NUMBL: variants seen among roughly 807,000 people sequenced by gnomAD.
NUMBL encodes the protein numb-like protein.
In NUMBL, 20 loss-of-function variants were observed where a neutral mutation model predicts 48.9. The observed-to-expected ratio is 0.41, with a 90% CI of 0.29 to 0.59. The LOEUF is 0.59. Ranked by LOEUF, NUMBL falls within the 20% of genes least tolerant of loss-of-function variation. The pLI, the probability that NUMBL is intolerant of heterozygous loss-of-function variation, is 0.31. For synonymous variants in NUMBL, 340 were observed against 348.7 expected (o/e 0.98, Z 0.28); for missense variants, 660 against 846.2 (o/e 0.78, Z 2.73).
Position 40,683,026 on chromosome 19 carries a change from C to T in NUMBL, c.250-58G>A, listed in dbSNP as rs898045124. 10 of 1,457,786 alleles carry T rather than the reference C, an allele frequency of 6.9e-6. No individual in the cohort carries two copies. In the African/African-American group the frequency reaches 1.3e-4, roughly 18 times the overall value. 90.3% of individuals were successfully genotyped at this position (1,457,786 alleles called of 1,614,324 possible). ...AAACAGCACAGTAATCACTCATTCTCAGTGTCCACTGAGCATCTGCCATGC... is the reference window on the plus strand; with the variant it reads ...AAACAGCACAGTAATCACTCATTCTTAGTGTCCACTGAGCATCTGCCATGC... On this transcript the variant is annotated intron_variant, in intron 3 of 9. Coordinates refer to ENST00000252891, the MANE Select transcript of NUMBL (RefSeq NM_004756.5).
Position 40,667,212 on chromosome 19 carries a change from A to C in NUMBL, c.*256T>G. On this transcript the variant is annotated 3_prime_UTR_variant, in exon 10 of 10. Coordinates refer to ENST00000252891, the MANE Select transcript of NUMBL (RefSeq NM_004756.5). The surrounding 1 kb of genome is among the most constrained non-coding windows in gnomAD (Gnocchi z 6.1). ...CAACCCCTGTGTCTGGGGTTGGGGAAGGGGGCATTGCCAGCCTAAGTCCGG... is the reference window on the plus strand; with the variant it reads ...CAACCCCTGTGTCTGGGGTTGGGGACGGGGGCATTGCCAGCCTAAGTCCGG... The C allele has an allele frequency of 1.4e-5, 7 of 489,496 alleles. No homozygotes were observed. The highest frequency in any genetic ancestry group is 7.9e-5 in the East Asian group (2 of 25,422). 30.3% of individuals were successfully genotyped at this position (489,496 alleles called of 1,614,324 possible).
rs1255040262 is a variant in NUMBL, at chr19:40,687,666, T to C, written c.25-671A>G. Among the ~76,000 whole-genome samples the C allele has an allele frequency of 6.6e-6, 1 of 152,140 alleles. No homozygotes were observed. The highest frequency in any genetic ancestry group is 1.5e-5 in the Non-Finnish European group (1 of 68,022). ...GGCCACACCCAGTGACAGCTATGTT[T>C]CCTCAGGCACCCGCCCAAGATACTG... On this transcript the variant is annotated intron_variant, in intron 1 of 9. Transcript: ENST00000252891. The surrounding 1 kb of genome is among the most constrained non-coding windows in gnomAD (Gnocchi z 4.6).
intron 2 of NUMBL, 123 bp downstream of exon 2, chr19:40,686,788 G>T: frequency 3.0e-6 from 2 of 671,574 alleles, no homozygotes. Context: ...TGAGGAAGAT[G>T]CCTGAGGGTG....
intron 6 of NUMBL, among the ~76,000 whole-genome samples, chr19:40,678,185 A>T (rs2081887880): frequency 6.6e-6 from 1 of 151,908 alleles, no homozygotes; most frequent in Non-Finnish European, 1.5e-5. Flanking sequence ...TTTTTCTGGG[A>T]CAGGGTCTTA....
chr19:40,674,930 G>A (rs1450909427), intron 7 of NUMBL, among the ~76,000 whole-genome samples: 1 of 152,068 alleles, frequency 6.6e-6, no homozygotes, highest in African/African-American at 2.4e-5. Flanking sequence ...GTTGAAGCCA[G>A]GAGTTCAAGA....
intron 7 of NUMBL, among the ~76,000 whole-genome samples, chr19:40,674,996 A>G (rs2081867091): frequency 6.6e-6 from 1 of 151,986 alleles, no homozygotes; most frequent in African/African-American, 2.4e-5. Context: ...AAAAAAGATT[A>G]GCTGGGTGTG....
chr19:40,686,564 A>G lies in NUMBL; in HGVS notation c.109+347T>C, dbSNP rs79759320. Reference sequence around the variant, plus strand: ...GTTGTCTAGGAATGTGTGTGTGTGTATATATGTGTGTACATTAGTGTGATG... The same window carrying G: ...GTTGTCTAGGAATGTGTGTGTGTGTGTATATGTGTGTACATTAGTGTGATG... On this transcript the variant is annotated intron_variant, in intron 2 of 9. Transcript: ENST00000252891. Among the ~76,000 whole-genome samples, 9 of 100,058 alleles carry G rather than the reference A, an allele frequency of 9.0e-5. No individual in the cohort carries two copies. The South Asian group carries it at 1.8e-3, about 20-fold the overall frequency. The allele number at this position is 100,058 out of a possible 152,430, so 65.6% of individuals were successfully genotyped here.
intron 6 of NUMBL, 148 bp from the exon 7 acceptor site, chr19:40,677,569 G>T: frequency 1.5e-6 from 1 of 675,700 alleles, no homozygotes; most frequent in Non-Finnish European, 2.4e-6. Context: ...GCACCACAAG[G>T]AAGGGCTGGA....
At chr19:40,690,389 G>A in intron 1 of NUMBL, 71 bp downstream of exon 1, 2 of 937,582 alleles carry the variant, frequency 2.1e-6, no homozygotes, top group Non-Finnish European at 2.8e-6. Context: ...CGCCGCGGCC[G>A]CCTCCCACCC....
chr19:40,675,738 C>T (rs1383589563), intron 7 of NUMBL, among the ~76,000 whole-genome samples: 1 of 151,658 alleles, frequency 6.6e-6, no homozygotes, highest in African/African-American at 2.4e-5. Context: ...TAGCCTCTTA[C>T]ACACGCGTGC....
chr19:40,673,522 A>T lies in NUMBL; in HGVS notation c.858T>A (p.Thr286=). 6.4e-7 allele frequency: 1 copy of T among 1,564,542 alleles called. No individual in the cohort carries two copies. Among genetic ancestry groups the T allele is most frequent in the Non-Finnish European group, 8.7e-7 (1 of 1,154,876 alleles). Residue 286 remains threonine (T), a synonymous_variant, in exon 8 of 10, where the codon ACT becomes ACA. Coordinates refer to ENST00000252891, the MANE Select transcript of NUMBL (RefSeq NM_004756.5). This position sits in a 1 kb window ranked among gnomAD's most constrained non-coding sequence, Gnocchi z 5.9. ...EAGTPVAAGT[T]AAAIPRRHAP... ...CATGGCGCCGGGGGATGGCGGCCGC[A>T]GTGGTGCCTGCAGCCACAGGGGTGC... is the stretch of plus-strand genomic sequence containing the variant.
intron 3 of NUMBL, 77 bp from the exon 4 acceptor site, chr19:40,683,045 G>A: frequency 8.1e-7 from 1 of 1,239,744 alleles, no homozygotes; most frequent in Non-Finnish European, 1.2e-6. Flanking sequence ...CTGAGCATCT[G>A]CCATGCAGTA....
chr19:40,667,350 G>A lies in NUMBL; in HGVS notation c.*118C>T. 1 of 1,376,732 alleles carries A rather than the reference G, an allele frequency of 7.3e-7. No homozygotes were observed. The highest frequency in any genetic ancestry group is 9.7e-7 in the Non-Finnish European group (1 of 1,029,774). The allele number at this position is 1,376,732 out of a possible 1,614,324, so 85.3% of individuals were successfully genotyped here. A position where few individuals can be genotyped will look rare whatever the true frequency, so the allele number is the denominator to read the frequency against. On this transcript the variant is annotated 3_prime_UTR_variant, in exon 10 of 10. Transcript: ENST00000252891. The surrounding 1 kb of genome is among the most constrained non-coding windows in gnomAD (Gnocchi z 6.1). ...GGTTGTCGGGGTGGTTGAGGGAGGG[G>A]GGTGTTGAGAGGGTGTTGAGGGGCG...
In NUMBL at chr19:40,681,005, C is replaced by T. The variant is rs577673061; in HGVS notation, c.452G>A (p.Arg151His). The T allele has an allele frequency of 6.8e-6, 11 of 1,614,038 alleles. No individual in the cohort carries two copies. The highest frequency in any genetic ancestry group is 1.7e-5 in the Admixed American group (1 of 60,002). The change falls in exon 6 of 10, where the codon CGC becomes CAC. Residue 151 changes from arginine (R) to histidine (H), a missense_variant. Coordinates refer to ENST00000252891, the MANE Select transcript of NUMBL (RefSeq NM_004756.5). ...ATAGGAGAAAGCCTTGTCCAGGTTG[C>T]GGTCAGGAGCACAAAAGGAGACCTT... ...IEKVSFCAPDRNLDKAFSYIC... is the reference protein window; with the variant it reads ...IEKVSFCAPDHNLDKAFSYIC...
rs138996730 is a variant in NUMBL at position 40,673,551 on chromosome 19, C to A, written c.829G>T (p.Ala277Ser). The A allele has an allele frequency of 1.5e-4, 228 of 1,553,862 alleles. No individual in the cohort carries two copies. The Middle Eastern group carries it at 4.2e-3, about 29-fold the overall frequency. ...ATTSPGEKGE[A>S]GTPVAAGTTA... ...GTGCCTGCAGCCACAGGGGTGCCTG[C>A]CTCACCCTTCTCACCAGGGGATGTG... The change falls in exon 8 of 10, where the codon GCA becomes TCA. Residue 277 changes from alanine to serine, a missense_variant. Around this residue, in one of 3 missense-constraint regions of NUMBL, gnomAD observed 278 missense variants for 420.6 expected, o/e 0.66. Transcript: ENST00000252891. This position sits in a 1 kb window ranked among gnomAD's most constrained non-coding sequence, Gnocchi z 5.9.
intron 7 of NUMBL, among the ~76,000 whole-genome samples, chr19:40,675,467 G>C (rs1234419008): frequency 6.6e-6 from 1 of 151,452 alleles, no homozygotes; most frequent in Non-Finnish European, 1.5e-5. Context: ...ATTCTAAGTA[G>C]TGTTTTCCCA....
Position 40,690,523 on chromosome 19 carries a change from G to C in NUMBL, c.-40C>G. 8.2e-7 allele frequency: 1 copy of C among 1,224,018 alleles called. No homozygotes were observed. The highest frequency in any genetic ancestry group is 1.0e-6 in the Non-Finnish European group (1 of 977,438). 75.8% of individuals were successfully genotyped at this position (1,224,018 alleles called of 1,614,324 possible). Reference sequence around the variant, plus strand: ...CCCCCGCCTCCCGCGGCCCTGGCTGGGCCTGGCTCCCCGACTGCTGCTGCT... The same window carrying C: ...CCCCCGCCTCCCGCGGCCCTGGCTGCGCCTGGCTCCCCGACTGCTGCTGCT... On this transcript the variant is annotated 5_prime_UTR_variant, in exon 1 of 10. Transcript: ENST00000252891.
rs1439957365 is a variant in NUMBL, at chr19:40,677,253, C to T, written c.709G>A (p.Glu237Lys). 2 of 1,574,388 alleles carry T rather than the reference C, an allele frequency of 1.3e-6. No homozygotes were observed. The highest frequency in any genetic ancestry group is 1.9e-5 in the Admixed American group (1 of 53,374). The change falls in exon 7 of 10, where the codon GAG becomes AAG. Residue 237 changes from glutamate (E) to lysine (K), a missense_variant. Coordinates refer to ENST00000252891, the MANE Select transcript of NUMBL (RefSeq NM_004756.5). ...CCACCTTTCTTCTTGTCCGGGGCCT[C>T]TCGCTCAGCAGGCCGCCCACCCCCA... ...LSGGGRPAER[E>K]APDKKKAEAA... is the part of the protein sequence containing the mutation.
At chr19:40,670,803 C>T (rs980998962) in intron 8 of NUMBL, among the ~76,000 whole-genome samples, 19 of 152,092 alleles carry the variant, frequency 1.2e-4, no homozygotes, top group African/African-American at 3.6e-4. Context: ...GACTGGGGTC[C>T]GGGTGTGTGG....
Sources: allele counts gnomAD v4.1 joint callset (sites outside exome capture counted in the v4.1 genomes callset), GRCh38; gene constraint gnomAD v4.1.1; regional missense constraint gnomAD v4.1.1; non-coding constraint Gnocchi (gnomAD v3.1); transcripts MANE v1.5; gene names NCBI Gene and HGNC (gene_info 2026-07-23, HGNC 2026-07-21).